Variants in CRTC1 observed in about 807,000 individuals in gnomAD.
CRTC1 encodes CREB-regulated transcription coactivator 1.
A neutral mutation model predicts 66.1 loss-of-function variants in CRTC1; 18 were observed. That is an observed-to-expected ratio of 0.27 (90% CI 0.19 to 0.40). The LOEUF (loss-of-function observed/expected upper bound fraction) is 0.40, where lower values mean the gene tolerates loss of function less well. Ranked by LOEUF, CRTC1 falls within the 10% of genes least tolerant of loss-of-function variation. The pLI is 1.00. For synonymous variants in CRTC1, 416 were observed against 398.8 expected, an observed-to-expected ratio of 1.04 and a Z score of -0.51; for missense variants, 669 against 887.9, an observed-to-expected ratio of 0.75 and a Z score of 3.13.
At chr19:18,762,989 A>G (rs990363178) in intron 8 of CRTC1, among the ~76,000 whole-genome samples, 9 of 152,378 alleles carry the variant, frequency 5.9e-5, no homozygotes, top group African/African-American at 2.2e-4. Flanking sequence ...ACAGCAAACC[A>G]CATAATCGGC....
intron 1 of CRTC1, among the ~76,000 whole-genome samples, chr19:18,692,899 C>A (rs1365363039): frequency 1.3e-5 from 2 of 151,402 alleles, no homozygotes; most frequent in Non-Finnish European, 2.9e-5. Context: ...CATGGTGAAA[C>A]CCTGTCTCTA....
chr19:18,770,981 TGG>T (rs1464420637), intron 10 of CRTC1, among the ~76,000 whole-genome samples: 3 of 151,918 alleles, frequency 2.0e-5, no homozygotes, highest in Non-Finnish European at 4.4e-5. Context: ...TGTGCATGTG[TGG>T]GTGTGCATGC....
At chr19:18,718,943 A>G (rs2053564737) in intron 1 of CRTC1, among the ~76,000 whole-genome samples, 1 of 152,148 alleles carries the variant, frequency 6.6e-6, no homozygotes, top group Non-Finnish European at 1.5e-5. Flanking sequence ...CACGATTTGA[A>G]CTGAATGAAT....
At chr19:18,696,431 T>C (rs1459172424) in intron 1 of CRTC1, among the ~76,000 whole-genome samples, 1 of 152,124 alleles carries the variant, frequency 6.6e-6, no homozygotes, top group African/African-American at 2.4e-5. Context: ...CTGGCCTTGC[T>C]AGAATCCATG....
Position 18,777,195 on chromosome 19 carries a change from T to G in CRTC1, c.1718T>G (p.Leu573Arg). 1 of 1,174,744 alleles carries G rather than the reference T, an allele frequency of 8.5e-7. No individual in the cohort carries two copies. Among genetic ancestry groups the G allele is most frequent in the Non-Finnish European group, 1.1e-6 (1 of 916,170 alleles). The allele number at this position is 1,174,744 out of a possible 1,614,324, so 72.8% of individuals were successfully genotyped here. Residue 573 changes from leucine to arginine, a missense_variant, in exon 14 of 14, where the codon CTC becomes CGC. Leu to Arg is a moderately radical substitution (Grantham distance 102). This residue lies in a region of CRTC1 where 91 missense variants were observed against 99.1 expected (regional missense o/e 0.92). Coordinates refer to ENST00000321949, the MANE Select transcript of CRTC1 (RefSeq NM_015321.3). The surrounding 1 kb of genome is among the most constrained non-coding windows in gnomAD (Gnocchi z 5.5). ...LTVTGESPPS[L>R]SKELTSSLAG... ...GTGACAGGAGAGTCCCCCCCCAGCC[T>G]CTCTAAAGAACTGACCAGCTCTCTG...
At chr19:18,753,608 A>G (rs1342437012) in intron 6 of CRTC1, 23 bp downstream of exon 6, 2 of 1,575,876 alleles carry the variant, frequency 1.3e-6, no homozygotes, top group East Asian at 2.3e-5. Flanking sequence ...GAGCTTTCAA[A>G]AACTTTTTTT....
chr19:18,756,628 T>A (rs1261486591), intron 6 of CRTC1, among the ~76,000 whole-genome samples: 1 of 138,478 alleles, frequency 7.2e-6, no homozygotes, highest in East Asian at 2.3e-4. Context: ...AAAAAAAAAA[T>A]TCTAACAACA....
At chr19:18,753,701 C>A (rs1234810358) in intron 6 of CRTC1, 116 bp downstream of exon 6, 1 of 681,846 alleles carries the variant, frequency 1.5e-6, no homozygotes, top group Non-Finnish European at 2.6e-6. Context: ...AGACAGGGAA[C>A]CTCACTCCGA....
At chr19:18,711,471 C>G (rs2053390497) in intron 1 of CRTC1, among the ~76,000 whole-genome samples, 1 of 152,100 alleles carries the variant, frequency 6.6e-6, no homozygotes, top group South Asian at 2.1e-4. Context: ...AGAAGCCAAG[C>G]AATTCTGATG....
chr19:18,757,881 G>C (rs959153932), intron 6 of CRTC1, among the ~76,000 whole-genome samples: 2 of 151,222 alleles, frequency 1.3e-5, no homozygotes, highest in Non-Finnish European at 2.9e-5. Context: ...AGCCGGGCGT[G>C]GTGGCGGGTG....
chr19:18,686,400 C>T (rs2052684487), intron 1 of CRTC1, among the ~76,000 whole-genome samples: 2 of 152,232 alleles, frequency 1.3e-5, no homozygotes, highest in Non-Finnish European at 2.9e-5. Flanking sequence ...GTAATCCCAG[C>T]ACTTTGGGAG....
Position 18,726,740 on chromosome 19 carries a change from A to G in CRTC1, c.127-16170A>G, listed in dbSNP as rs557495191. ...CAGGAGTTTGAGACCAGCCTGGCCA[A>G]CATGGTGAAACCCTGTCTTTACTAA... On this transcript the variant is annotated intron_variant, in intron 1 of 13. Coordinates refer to ENST00000321949, the MANE Select transcript of CRTC1 (RefSeq NM_015321.3). 5.9e-5 allele frequency among the ~76,000 whole-genome samples: 9 copies of G among 152,226 alleles called. No individual in the cohort carries two copies. The South Asian group carries it at 1.9e-3, about 32-fold the overall frequency.
At chr19:18,769,638 C>T (rs1201079745) in intron 10 of CRTC1, among the ~76,000 whole-genome samples, 1 of 152,168 alleles carries the variant, frequency 6.6e-6, no homozygotes, top group Non-Finnish European at 1.5e-5. Context: ...TGCCCAAGTC[C>T]TTTCTTTGGT....
rs2054416926 is a variant in CRTC1 at position 18,753,505 on chromosome 19, C to T, written c.544C>T (p.Leu182=). 2 of 1,610,538 alleles carry T rather than the reference C, an allele frequency of 1.2e-6. No homozygotes were observed. The highest frequency in any genetic ancestry group is 3.4e-5 in the Admixed American group (2 of 59,432). The change falls in exon 6 of 14, where the codon CTG becomes TTG. Residue 182 remains leucine (L), a synonymous_variant. Transcript: ENST00000321949. ...SQDVHQKRVL[L]LTVPGMEETT... is the part of the protein sequence containing the mutation. ...TCCCCCTCCCACCTCCCCAGTCTTA[C>T]TGTTAACAGTCCCAGGAATGGAAGA...
At chr19:18,706,007 TTA>T (rs1430815931) in intron 1 of CRTC1, among the ~76,000 whole-genome samples, 1 of 149,942 alleles carries the variant, frequency 6.7e-6, no homozygotes, top group East Asian at 1.9e-4. Flanking sequence ...TATTCATACT[TTA>T]TCTATTTTAA....
intron 1 of CRTC1, among the ~76,000 whole-genome samples, chr19:18,700,679 G>A (rs1313170399): frequency 6.6e-6 from 1 of 152,192 alleles, no homozygotes; most frequent in Non-Finnish European, 1.5e-5. Flanking sequence ...ATCTCTGGGA[G>A]GAAGTATCAG....
At chr19:18,744,522 G>A (rs921695771) in intron 2 of CRTC1, among the ~76,000 whole-genome samples, 4 of 152,002 alleles carry the variant, frequency 2.6e-5, no homozygotes, top group Non-Finnish European at 4.4e-5. Flanking sequence ...ATACACACAC[G>A]TGTGCACGCA....
rs2054779355 is a variant in CRTC1 at position 18,768,239 on chromosome 19, T to C, written c.1012-246T>C. ...TGAGCTGCACGGCATGTAGTGCGGG[T>C]GCAGGCACAACAAGCTGGAGGAGGT... On this transcript the variant is annotated intron_variant, in intron 9 of 13. Coordinates refer to ENST00000321949, the MANE Select transcript of CRTC1 (RefSeq NM_015321.3). The surrounding 1 kb of genome is among the most constrained non-coding windows in gnomAD (Gnocchi z 5.6). Among the ~76,000 whole-genome samples the C allele has an allele frequency of 6.6e-6, 1 of 152,120 alleles. No individual in the cohort carries two copies.
intron 6 of CRTC1, among the ~76,000 whole-genome samples, chr19:18,756,590 G>T (rs2054493973): frequency 6.6e-6 from 1 of 150,422 alleles, no homozygotes; most frequent in South Asian, 2.1e-4. Context: ...GTCCAGCCTG[G>T]GCAACAGAGC....
Sources: allele counts gnomAD v4.1 joint callset (sites outside exome capture counted in the v4.1 genomes callset), GRCh38; gene constraint gnomAD v4.1.1; regional missense constraint gnomAD v4.1.1; non-coding constraint Gnocchi (gnomAD v3.1); transcripts MANE v1.5; gene names NCBI Gene and HGNC (gene_info 2026-07-23, HGNC 2026-07-21).